Variants in CNTN5 observed in about 807,000 individuals in gnomAD.
The protein encoded by CNTN5 is contactin-5.
A neutral mutation model predicts 129.1 loss-of-function variants in CNTN5; 77 were observed. The ratio of observed to expected loss-of-function variants is 0.60; its 90% CI spans 0.50 to 0.72. The LOEUF is 0.72. Among genes scored for constraint, CNTN5 ranks in the 30% least tolerant of loss-of-function variants. The pLI is 0.00. For missense variants in CNTN5, 1,478 were observed against 1,328.8 expected, an observed-to-expected ratio of 1.11 and a Z score of -1.75; for synonymous variants, 509 against 465.6, an observed-to-expected ratio of 1.09 and a Z score of -1.20.
At chr11:99,476,460 A>T (rs1023778275) in intron 2 of CNTN5, among the ~76,000 whole-genome samples, 2 of 152,174 alleles carry the variant, frequency 1.3e-5, no homozygotes, top group Admixed American at 1.3e-4. Context: ...ATGATCTTTT[A>T]AAAAATTACT....
rs191548040 is a variant in CNTN5 at position 99,282,189 on chromosome 11, G to T, written c.-209-43157G>T. Among the ~76,000 whole-genome samples the T allele has an allele frequency of 4.0e-3, 604 of 151,992 alleles. 11 individuals carry two copies. The highest frequency in any genetic ancestry group is 0.036 in the Admixed American group (546 of 15,214). On this transcript the variant is annotated intron_variant, in intron 1 of 24. Transcript: ENST00000524871. ...TTCCTACAATAAGAGAGATTGTCTC[G>T]CCTTAAGTGTTGAAAACAAACAAGA...
Position 99,426,333 on chromosome 11 carries a change from G to A in CNTN5, c.-71+100849G>A, listed in dbSNP as rs527444692. On this transcript the variant is annotated intron_variant, in intron 2 of 24. Transcript: ENST00000524871. ...AAAATAAGTCATTCATTTATCCAAA[G>A]TGGTAATACAAATATTTCCAAAAAA... Among the ~76,000 whole-genome samples the A allele has an allele frequency of 8.5e-5, 13 of 152,230 alleles. No homozygotes were observed. The South Asian group carries it at 1.9e-3, about 22-fold the overall frequency.
chr11:99,405,417 C>T (rs1942029458), intron 2 of CNTN5, among the ~76,000 whole-genome samples: 1 of 151,990 alleles, frequency 6.6e-6, no homozygotes, highest in South Asian at 2.1e-4. Context: ...TATCTCTCTT[C>T]TTTGTGTATT....
At chr11:100,340,984 T>C (rs1367124798) in intron 22 of CNTN5, 109 bp from the exon 23 acceptor site, 7 of 810,728 alleles carry the variant, frequency 8.6e-6, no homozygotes, top group African/African-American at 3.4e-5. Flanking sequence ...AAGCCTAGAT[T>C]GCCAGCCAAC....
intron 3 of CNTN5, among the ~76,000 whole-genome samples, chr11:99,627,067 G>A (rs765906840): frequency 2.2e-4 from 33 of 152,090 alleles, no homozygotes; most frequent in Non-Finnish European, 4.6e-4. Context: ...AGGGAGAAGT[G>A]GAGAGGTTAG....
intron 3 of CNTN5, among the ~76,000 whole-genome samples, chr11:99,815,092 G>A (rs1946541778): frequency 6.6e-6 from 1 of 152,092 alleles, no homozygotes; most frequent in Non-Finnish European, 1.5e-5. Context: ...CACACCTGGG[G>A]ATTATGAGGA....
chr11:99,175,706 A>G (rs1857736986), intron 1 of CNTN5, among the ~76,000 whole-genome samples: 1 of 152,132 alleles, frequency 6.6e-6, no homozygotes, highest in Non-Finnish European at 1.5e-5. Context: ...CCTCGCATCT[A>G]CCATTAGATA....
intron 3 of CNTN5, among the ~76,000 whole-genome samples, chr11:99,799,693 G>T (rs1042536249): frequency 1.3e-5 from 2 of 152,138 alleles, no homozygotes; most frequent in Middle Eastern, 3.4e-3. Context: ...AGGGATATTG[G>T]CATGTAATTT....
chr11:99,629,207 A>C (rs140209028), intron 3 of CNTN5, among the ~76,000 whole-genome samples: 1 of 152,034 alleles, frequency 6.6e-6, no homozygotes, highest in South Asian at 2.1e-4. Context: ...TTGTAGCCAC[A>C]AAATTATTAT....
At chr11:100,108,237 A>G (rs533000946) in intron 13 of CNTN5, among the ~76,000 whole-genome samples, 3 of 152,214 alleles carry the variant, frequency 2.0e-5, no homozygotes, top group African/African-American at 7.2e-5. Context: ...GAGCTTGGAT[A>G]GAATTCAGTG....
At chr11:99,829,371 C>T (rs549458763) in intron 4 of CNTN5, among the ~76,000 whole-genome samples, 1 of 152,178 alleles carries the variant, frequency 6.6e-6, no homozygotes, top group East Asian at 1.9e-4. Context: ...ATTCACATCA[C>T]ATGTTATACT....
At chr11:99,410,655 A>G (rs1203727779) in intron 2 of CNTN5, among the ~76,000 whole-genome samples, 1 of 152,248 alleles carries the variant, frequency 6.6e-6, no homozygotes, top group African/African-American at 2.4e-5. Flanking sequence ...TCCCTGGGCA[A>G]CAATCAGCAA....
intron 3 of CNTN5, among the ~76,000 whole-genome samples, chr11:99,806,334 A>T (rs1946268371): frequency 6.6e-6 from 1 of 152,164 alleles, no homozygotes; most frequent in Non-Finnish European, 1.5e-5. Context: ...CCCCTAAAAA[A>T]ATAAATGAAG....
At position 99,233,939 on chromosome 11, in the gene CNTN5, C is replaced by T. The variant is rs551248995; in HGVS notation, c.-209-91407C>T. On this transcript the variant is annotated intron_variant, in intron 1 of 24. Coordinates refer to ENST00000524871, the MANE Select transcript of CNTN5 (RefSeq NM_014361.4). ...CCAGATTGAGCAGCAGAGCTAGACT[C>T]CATCTCAAATAAATAAATAAATAAA... is the stretch of plus-strand genomic sequence containing the variant. Among the ~76,000 whole-genome samples, 3 of 150,542 alleles carry T rather than the reference C, an allele frequency of 2.0e-5. No individual in the cohort carries two copies. The South Asian group carries it at 6.3e-4, about 32-fold the overall frequency.
At chr11:99,880,469 C>T (rs972964501) in intron 6 of CNTN5, among the ~76,000 whole-genome samples, 3 of 152,074 alleles carry the variant, frequency 2.0e-5, no homozygotes, top group African/African-American at 7.2e-5. Context: ...TAGAACAAAA[C>T]AGGACTGGCA....
rs150281747 is a variant in CNTN5 at position 100,052,552 on chromosome 11, A to T, written c.981-8660A>T. Among the ~76,000 whole-genome samples the T allele has an allele frequency of 3.9e-3, 589 of 151,922 alleles. 5 individuals carry two copies. The highest frequency in any genetic ancestry group is 0.013 in the African/African-American group (552 of 41,540). On this transcript the variant is annotated intron_variant, in intron 9 of 24. Coordinates refer to ENST00000524871, the MANE Select transcript of CNTN5 (RefSeq NM_014361.4). The stretch of plus-strand genomic sequence containing the variant: ...AGAATTTGCATAACATTTATGAGAG[A>T]AATAAAAGAATACCAAAATAAGGAG...
chr11:99,590,855 A>G (rs1216813753), intron 3 of CNTN5, among the ~76,000 whole-genome samples: 1 of 152,260 alleles, frequency 6.6e-6, no homozygotes, highest in Non-Finnish European at 1.5e-5. Context: ...GCATTAAGAA[A>G]AAGTTGTTCA....
chr11:99,893,809 A>G (rs1053534099), intron 6 of CNTN5, among the ~76,000 whole-genome samples: 3 of 152,196 alleles, frequency 2.0e-5, no homozygotes, highest in Non-Finnish European at 4.4e-5. Context: ...ATGTGTGTAT[A>G]TATTAACATA....
chr11:99,804,265 TA>T (rs1406427329), intron 3 of CNTN5, among the ~76,000 whole-genome samples: 13 of 152,142 alleles, frequency 8.5e-5, no homozygotes, highest in Non-Finnish European at 1.3e-4. Context: ...GAAAGTCATT[TA>T]CCAAATGTGT....
Sources: gnomAD v4.1 joint callset for allele counts (sites outside exome capture counted in the v4.1 genomes callset) on GRCh38, gnomAD v4.1.1 for gene constraint, MANE v1.5 for transcripts, NCBI Gene and HGNC (gene_info 2026-07-23, HGNC 2026-07-21) for gene names.